Variants in ANKRD30B observed in about 807,000 individuals in gnomAD.
ANKRD30B encodes the protein ankyrin repeat domain-containing protein 30B.
A neutral mutation model predicts 202.2 loss-of-function variants in ANKRD30B; 144 were observed. The observed-to-expected ratio is 0.71, with a 90% CI of 0.62 to 0.82. The LOEUF (loss-of-function observed/expected upper bound fraction) is 0.82. Ranked by LOEUF, ANKRD30B falls within the 40% of genes least tolerant of loss-of-function variation. The pLI is 0.00. For missense variants in ANKRD30B, 1,487 were observed against 1,669.1 expected (o/e 0.89, Z 1.90); for synonymous variants, 508 against 561.3 (o/e 0.91, Z 1.34).
chr18:14,796,081 G>T (rs34207435), intron 16 of ANKRD30B, 140 bp from the exon 17 acceptor site: 17 of 917,768 alleles, frequency 1.9e-5, no homozygotes, highest in Non-Finnish European at 3.0e-5. Context: ...AAATACAAAA[G>T]CCCAAAAGAC....
chr18:14,917,603 A>G, the ANKRD30B span, among the ~76,000 whole-genome samples: 15 of 152,174 alleles, frequency 9.9e-5, no homozygotes, highest in Non-Finnish European at 1.9e-4. Flanking sequence ...TTCAGAGTCA[A>G]GTTTGAGCAG....
intron 30 of ANKRD30B, among the ~76,000 whole-genome samples, chr18:14,815,963 A>G (rs1308751559): frequency 2.0e-5 from 3 of 152,332 alleles, no homozygotes; most frequent in Non-Finnish European, 1.5e-5. Flanking sequence ...CTCTAAGTAT[A>G]TATCCAAGCT....
chr18:14,887,922 C>G, the ANKRD30B span, among the ~76,000 whole-genome samples: 7 of 151,750 alleles, frequency 4.6e-5, no homozygotes, highest in Admixed American at 2.0e-4. Context: ...AAAGATTTCT[C>G]AATTTTACTT....
intron 42 of ANKRD30B, 52 bp downstream of exon 42, chr18:14,852,472 C>T (rs1445024560): frequency 2.0e-6 from 3 of 1,491,520 alleles, no homozygotes; most frequent in South Asian, 2.8e-5. Context: ...AGAAAGTGGC[C>T]TTGGCTAAAT....
At chr18:14,912,997 C>T in the ANKRD30B span, among the ~76,000 whole-genome samples, 79,891 of 152,134 alleles carry the variant, frequency 0.53, 21,317 homozygotes, top group African/African-American at 0.6. Flanking sequence ...ATTGCTGGGT[C>T]CAAGCTTCTG....
At chr18:14,930,720 T>C in the ANKRD30B span, among the ~76,000 whole-genome samples, 18 of 152,118 alleles carry the variant, frequency 1.2e-4, no homozygotes, top group South Asian at 3.7e-3. Flanking sequence ...ACAGGCCCTA[T>C]CCACTAGGAT....
At chr18:14,785,126 A>G (rs936183372) in intron 14 of ANKRD30B, among the ~76,000 whole-genome samples, 4 of 152,212 alleles carry the variant, frequency 2.6e-5, no homozygotes, top group Non-Finnish European at 4.4e-5. Flanking sequence ...AATATTTGAT[A>G]AACACATTTT....
At chr18:14,882,930 C>T in the ANKRD30B span, among the ~76,000 whole-genome samples, 1 of 152,288 alleles carries the variant, frequency 6.6e-6, no homozygotes, top group South Asian at 2.1e-4. Flanking sequence ...GCTACTGCTG[C>T]TCGCTTTTGG....
At chr18:14,788,025 CCT>C (rs1275273802) in intron 15 of ANKRD30B, among the ~76,000 whole-genome samples, 3 of 151,956 alleles carry the variant, frequency 2.0e-5, no homozygotes, top group Non-Finnish European at 2.9e-5. Flanking sequence ...ATTTTAAGCC[CCT>C]GTTTACCGAA....
chr18:14,888,530 A>C, the ANKRD30B span, among the ~76,000 whole-genome samples: 1 of 152,104 alleles, frequency 6.6e-6, no homozygotes, highest in Admixed American at 6.6e-5. Context: ...ATCTTTCTTT[A>C]ATGCAGTGTC....
At chr18:14,904,344 C>T in the ANKRD30B span, among the ~76,000 whole-genome samples, 1 of 152,182 alleles carries the variant, frequency 6.6e-6, no homozygotes, top group South Asian at 2.1e-4. Flanking sequence ...CCTGGTCTAA[C>T]CTAATAGTAA....
At chr18:14,796,970 C>G (rs1488601841) in intron 18 of ANKRD30B, among the ~76,000 whole-genome samples, 2 of 152,118 alleles carry the variant, frequency 1.3e-5, no homozygotes, top group Non-Finnish European at 2.9e-5. Flanking sequence ...TAATTTCTAA[C>G]AAAGCCTTAA....
chr18:14,770,386 G>A (rs767161117), intron 8 of ANKRD30B, among the ~76,000 whole-genome samples: 5 of 152,150 alleles, frequency 3.3e-5, no homozygotes, highest in Non-Finnish European at 7.3e-5. Context: ...TTAAATATAG[G>A]AGGTAGGAGA....
the ANKRD30B span, among the ~76,000 whole-genome samples, chr18:14,874,527 A>G: frequency 2.0e-5 from 3 of 152,228 alleles, no homozygotes; most frequent in Admixed American, 6.5e-5. Flanking sequence ...ACATTCCATT[A>G]TGTAGATATT....
At chr18:14,776,163 A>G (rs553770641) in intron 9 of ANKRD30B, among the ~76,000 whole-genome samples, 39 of 152,304 alleles carry the variant, frequency 2.6e-4, no homozygotes, top group African/African-American at 9.4e-4. Context: ...AGCAGTTTGG[A>G]AAGTGAGACT....
At chr18:14,865,845 A>G in the ANKRD30B span, among the ~76,000 whole-genome samples, 1 of 152,160 alleles carries the variant, frequency 6.6e-6, no homozygotes, top group African/African-American at 2.4e-5. Context: ...CTGGTCCTCT[A>G]AGCCGGGCTC....
chr18:14,879,072 CG>C, the ANKRD30B span, among the ~76,000 whole-genome samples: 2 of 151,804 alleles, frequency 1.3e-5, no homozygotes, highest in South Asian at 2.1e-4. Context: ...AGCACAGACC[CG>C]GGGGACACCG....
chr18:14,825,373 T>G (rs1437732933), intron 32 of ANKRD30B: 2 of 152,230 alleles, frequency 1.3e-5, no homozygotes, highest in Admixed American at 6.5e-5. Flanking sequence ...AGTTCACATT[T>G]ATTTAGTACA....
At chr18:14,750,586 T>C (rs1472480623) in intron 1 of ANKRD30B, among the ~76,000 whole-genome samples, 1 of 152,128 alleles carries the variant, frequency 6.6e-6, no homozygotes, top group Non-Finnish European at 1.5e-5. Context: ...TCCATTCTAT[T>C]ATACTAAAAT....
Sources: allele counts gnomAD v4.1 joint callset (sites outside exome capture counted in the v4.1 genomes callset), GRCh38; gene constraint gnomAD v4.1.1; transcripts MANE v1.5; gene names NCBI Gene and HGNC (gene_info 2026-07-23, HGNC 2026-07-21).